Variants in NFYA observed in about 807,000 individuals in gnomAD.
NFYA encodes CAAT-box DNA binding protein subunit A.
Under a neutral mutation model 52.8 loss-of-function variants are expected in NFYA, and 28 were observed. That is an observed-to-expected ratio of 0.53 (90% CI 0.39 to 0.73). NFYA has a LOEUF of 0.73. NFYA is among the 30% of genes least tolerant of loss of function. The pLI is 0.00. For missense variants in NFYA, 234 were observed against 427.0 expected (o/e 0.55, Z 3.98); for synonymous variants, 150 against 150.7 (o/e 1.00, Z 0.03).
intron 4 of NFYA, among the ~76,000 whole-genome samples, chr6:41,087,218 T>TTC (rs1764073199): frequency 6.6e-6 from 1 of 152,250 alleles, no homozygotes; most frequent in East Asian, 1.9e-4. Flanking sequence ...CTTATTTATT[T>TTC]GCCAATACTT....
At chr6:41,089,199 G>A (rs1764131192) in intron 4 of NFYA, among the ~76,000 whole-genome samples, 1 of 152,140 alleles carries the variant, frequency 6.6e-6, no homozygotes, top group Admixed American at 6.5e-5. Context: ...GGCCAGGCTG[G>A]TCTCGAACTC....
At chr6:41,077,682 G>T (rs537324919) in intron 1 of NFYA, among the ~76,000 whole-genome samples, 3 of 152,250 alleles carry the variant, frequency 2.0e-5, no homozygotes, top group Non-Finnish European at 1.5e-5. Flanking sequence ...ATTCCAAAGA[G>T]ACTGGTGTAA....
At chr6:41,077,010 G>A (rs1000717191) in intron 1 of NFYA, among the ~76,000 whole-genome samples, 3 of 152,102 alleles carry the variant, frequency 2.0e-5, no homozygotes, top group Non-Finnish European at 4.4e-5. Context: ...TGCTAAATTG[G>A]TTCATTTGTA....
At chr6:41,087,877 A>T (rs1473647422) in intron 4 of NFYA, among the ~76,000 whole-genome samples, 2 of 151,996 alleles carry the variant, frequency 1.3e-5, no homozygotes, top group East Asian at 1.9e-4. Flanking sequence ...TATAGCCATT[A>T]AAAAAAAGAA....
intron 1 of NFYA, among the ~76,000 whole-genome samples, chr6:41,074,651 T>C (rs1389031978): frequency 6.6e-6 from 1 of 152,172 alleles, no homozygotes; most frequent in Non-Finnish European, 1.5e-5. Flanking sequence ...TGGGCAGTAG[T>C]TGTGATAGTT....
chr6:41,091,446 A>C, intron 6 of NFYA, 82 bp from the exon 7 acceptor site: 1 of 1,407,990 alleles, frequency 7.1e-7, no homozygotes, highest in Non-Finnish European at 9.7e-7. Context: ...TGTATACCAG[A>C]TAGAAGAGGG....
chr6:41,083,072 T>C (rs1273043309), intron 3 of NFYA, among the ~76,000 whole-genome samples: 1 of 152,266 alleles, frequency 6.6e-6, no homozygotes, highest in African/African-American at 2.4e-5. Flanking sequence ...TATTCTGTTC[T>C]AAGTAATTTC....
Position 41,076,087 on chromosome 6 carries a change from T to C in NFYA, c.-61-2942T>C, listed in dbSNP as rs763851338. 3.9e-4 allele frequency among the ~76,000 whole-genome samples: 59 copies of C among 152,134 alleles called. 3 individuals are homozygous for C. Among genetic ancestry groups the C allele is most frequent in the Non-Finnish European group, 1.5e-4 (10 of 68,026 alleles). Reference sequence around the variant, plus strand: ...TTGTGAAAGAAATTGAGTGAGCCAATGCTGGGAATTTTTAAATAATAGAAT... The same window carrying C: ...TTGTGAAAGAAATTGAGTGAGCCAACGCTGGGAATTTTTAAATAATAGAAT... On this transcript the variant is annotated intron_variant, in intron 1 of 9. Coordinates refer to ENST00000341376, the MANE Select transcript of NFYA (RefSeq NM_002505.5).
intron 6 of NFYA, among the ~76,000 whole-genome samples, chr6:41,090,809 A>C (rs1440682676): frequency 6.6e-6 from 1 of 152,246 alleles, no homozygotes; most frequent in African/African-American, 2.4e-5. Flanking sequence ...CTAGGAATAG[A>C]TAACATAAAT....
chr6:41,092,895 G>C lies in NFYA; in HGVS notation c.715-17G>C. On this transcript the variant is annotated splice_polypyrimidine_tract_variant and intron_variant, in intron 7 of 9. Coordinates refer to ENST00000341376, the MANE Select transcript of NFYA (RefSeq NM_002505.5). Reference sequence around the variant, plus strand: ...TACTTCATGCCACCAATAAGCTCTGGTTTCCTGTTCACACAGATGGTTCCT... The same window carrying C: ...TACTTCATGCCACCAATAAGCTCTGCTTTCCTGTTCACACAGATGGTTCCT... 1.2e-6 allele frequency: 2 copies of C among 1,609,388 alleles called. No individual in the cohort carries two copies. The highest frequency in any genetic ancestry group is 1.7e-6 in the Non-Finnish European group (2 of 1,177,672).
intron 1 of NFYA, among the ~76,000 whole-genome samples, 184 bp downstream of exon 1, chr6:41,073,268 G>A (rs1372647073): frequency 6.6e-6 from 1 of 151,486 alleles, no homozygotes; most frequent in Non-Finnish European, 1.5e-5. Flanking sequence ...GGGCACTCCC[G>A]GCCGAGGCCT....
intron 3 of NFYA, among the ~76,000 whole-genome samples, chr6:41,082,376 C>T (rs1421559267): frequency 1.3e-5 from 2 of 152,206 alleles, no homozygotes; most frequent in Non-Finnish European, 2.9e-5. Context: ...TTGTCATTAA[C>T]CCCTTGTGGA....
intron 2 of NFYA, 139 bp from the exon 3 acceptor site, chr6:41,080,672 G>C: frequency 1.7e-6 from 1 of 596,620 alleles, no homozygotes; most frequent in Non-Finnish European, 3.0e-6. Context: ...CAACAAAACA[G>C]CTTCAATATA....
At chr6:41,090,524 G>A (rs1387797028) in intron 6 of NFYA, among the ~76,000 whole-genome samples, 1 of 152,168 alleles carries the variant, frequency 6.6e-6, no homozygotes, top group Admixed American at 6.5e-5. Flanking sequence ...TATAGTGGTT[G>A]CTAATCTAGG....
At chr6:41,086,921 TATA>T (rs1561853383) in intron 4 of NFYA, among the ~76,000 whole-genome samples, 3 of 152,134 alleles carry the variant, frequency 2.0e-5, no homozygotes, top group African/African-American at 7.2e-5. Flanking sequence ...CAAAAGAAAA[TATA>T]AGAATTTTTA....
chr6:41,096,910 G>C lies in NFYA; in HGVS notation c.991-447G>C, dbSNP rs539835254. ...GCCTTCAGATTTATCTGTAAAACGAGTACATTAAAGTGTATAGATTCTAAT... is the reference window on the plus strand; with the variant it reads ...GCCTTCAGATTTATCTGTAAAACGACTACATTAAAGTGTATAGATTCTAAT... On this transcript the variant is annotated intron_variant, in intron 9 of 9. Coordinates refer to ENST00000341376, the MANE Select transcript of NFYA (RefSeq NM_002505.5). 1.8e-4 allele frequency among the ~76,000 whole-genome samples: 28 copies of C among 152,302 alleles called. No individual in the cohort carries two copies. In the Middle Eastern group the frequency reaches 0.01, roughly 56 times the overall value.
At chr6:41,089,860 C>A in intron 5 of NFYA, 150 bp downstream of exon 5, 1 of 1,096,248 alleles carries the variant, frequency 9.1e-7, no homozygotes, top group Non-Finnish European at 1.3e-6. Flanking sequence ...TGGCTCATGC[C>A]TGTAATCCCA....
intron 9 of NFYA, among the ~76,000 whole-genome samples, chr6:41,096,736 T>TAA (rs922625222): frequency 4.3e-4 from 65 of 152,314 alleles, no homozygotes; most frequent in African/African-American, 1.5e-3. Flanking sequence ...ATCCTTGTGT[T>TAA]AACACGGTAG....
chr6:41,081,695 A>C (rs1026756015), intron 3 of NFYA, among the ~76,000 whole-genome samples: 4 of 152,138 alleles, frequency 2.6e-5, no homozygotes, highest in African/African-American at 9.7e-5. Flanking sequence ...TTATCTAAGC[A>C]CTGAATCTTG....
Sources: gnomAD v4.1 joint callset for allele counts (sites outside exome capture counted in the v4.1 genomes callset) on GRCh38, gnomAD v4.1.1 for gene constraint, MANE v1.5 for transcripts, NCBI Gene and HGNC (gene_info 2026-07-23, HGNC 2026-07-21) for gene names.